Variants in SUSD4 observed in about 807,000 individuals in gnomAD.
SUSD4 encodes the protein sushi domain-containing protein 4.
SUSD4 carries 41 observed loss-of-function variants against 50.5 expected under a neutral mutation model. The ratio of observed to expected loss-of-function variants is 0.81; its 90% CI spans 0.63 to 1.05. SUSD4 has a LOEUF of 1.05. SUSD4 is among the 50% of genes least tolerant of loss of function. The pLI is 0.00. For synonymous variants in SUSD4, 257 were observed against 257.3 expected, an observed-to-expected ratio of 1.00 and a Z score of 0.01; for missense variants, 580 against 634.7, an observed-to-expected ratio of 0.91 and a Z score of 0.93.
chr1:223,302,259 A>G (rs937800262), intron 2 of SUSD4, among the ~76,000 whole-genome samples: 7 of 152,222 alleles, frequency 4.6e-5, no homozygotes, highest in South Asian at 2.1e-4. Context: ...GCACAATTAA[A>G]CCTCTTTTCT....
chr1:223,255,211 C>T (rs181790169), intron 5 of SUSD4, among the ~76,000 whole-genome samples: 1 of 152,076 alleles, frequency 6.6e-6, no homozygotes, highest in Non-Finnish European at 1.5e-5. Flanking sequence ...TTTCCTAGGC[C>T]CAGGGAACAC....
At chr1:223,355,359 C>A (rs1668602689) in intron 2 of SUSD4, among the ~76,000 whole-genome samples, 1 of 152,084 alleles carries the variant, frequency 6.6e-6, no homozygotes, top group East Asian at 1.9e-4. Context: ...CAGGCATGAG[C>A]CACCGTGCCC....
intron 2 of SUSD4, among the ~76,000 whole-genome samples, chr1:223,357,655 T>C (rs1668739735): frequency 6.6e-6 from 1 of 152,234 alleles, no homozygotes; most frequent in Admixed American, 6.5e-5. Context: ...TCAATTATTA[T>C]TGAAGTACTA....
At chr1:223,334,558 A>G (rs190497352) in intron 2 of SUSD4, among the ~76,000 whole-genome samples, 2 of 152,338 alleles carry the variant, frequency 1.3e-5, no homozygotes, top group Admixed American at 6.5e-5. Context: ...AGAACCAAAG[A>G]TAAAGAGAAA....
intron 2 of SUSD4, among the ~76,000 whole-genome samples, chr1:223,306,286 C>A (rs890661872): frequency 8.5e-5 from 13 of 152,168 alleles, no homozygotes; most frequent in African/African-American, 3.1e-4. Flanking sequence ...GCATGCCCAG[C>A]AACTTCACAA....
At chr1:223,240,641 T>C (rs1367187267) in intron 5 of SUSD4, among the ~76,000 whole-genome samples, 1 of 152,246 alleles carries the variant, frequency 6.6e-6, no homozygotes, top group Non-Finnish European at 1.5e-5. Flanking sequence ...CATTTCTTTT[T>C]GGCTCTTTCT....
At chr1:223,356,143 T>G (rs1338883231) in intron 2 of SUSD4, among the ~76,000 whole-genome samples, 1 of 151,764 alleles carries the variant, frequency 6.6e-6, no homozygotes, top group African/African-American at 2.4e-5. Flanking sequence ...AAGAAGCTAT[T>G]TGAGCAACTC....
intron 5 of SUSD4, among the ~76,000 whole-genome samples, chr1:223,263,082 A>T (rs1277605970): frequency 2.0e-5 from 3 of 152,222 alleles, no homozygotes; most frequent in Non-Finnish European, 4.4e-5. Context: ...ATTTAAACCA[A>T]ATTTGAAAAG....
chr1:223,300,632 T>C (rs2103177885), intron 2 of SUSD4, among the ~76,000 whole-genome samples: 1 of 151,938 alleles, frequency 6.6e-6, no homozygotes, highest in South Asian at 2.1e-4. Context: ...AACTGCTATA[T>C]GAGGCTTTGG....
rs1659175674 is a variant in SUSD4 at position 223,222,215 on chromosome 1, G to C, written c.1450C>G (p.Pro484Ala). The change falls in exon 9 of 9, where the codon CCT (proline) becomes GCT (alanine). Residue 484 changes from proline (P) to alanine (A), a missense_variant. Pro to Ala is a conservative substitution (Grantham distance 27). Transcript: ENST00000366878. ...SPGIDIADEI[P>A]LMEEDP Reference sequence around the variant, plus strand: ...TATTAGGGATCTTCTTCCATTAGAGGAATCTCTGTAAAAGAAGAGACGGTT... The same window carrying C: ...TATTAGGGATCTTCTTCCATTAGAGCAATCTCTGTAAAAGAAGAGACGGTT... The C allele has an allele frequency of 6.2e-7, 1 of 1,613,460 alleles. No homozygotes were observed. Among genetic ancestry groups the C allele is most frequent in the African/African-American group, 1.3e-5 (1 of 74,898 alleles).
At position 223,339,704 on chromosome 1, in the gene SUSD4, C is replaced by T. The variant is rs117877904; in HGVS notation, c.148+23574G>A. On this transcript the variant is annotated intron_variant, in intron 2 of 8. Coordinates refer to ENST00000366878, the MANE Select transcript of SUSD4 (RefSeq NM_017982.4). The stretch of plus-strand genomic sequence containing the variant: ...TTCTCAGCGTCTATGGGGGCAAGGC[C>T]GAGGAATCGTCTTTGCAGAAGTTCC... Among the ~76,000 whole-genome samples, 154 of 152,260 alleles carry T rather than the reference C, an allele frequency of 1.0e-3. 4 individuals are homozygous for T. In the East Asian group the frequency reaches 0.025, roughly 25 times the overall value.
At chr1:223,275,716 G>A (rs956199105) in intron 3 of SUSD4, among the ~76,000 whole-genome samples, 7 of 132,404 alleles carry the variant, frequency 5.3e-5, no homozygotes, top group South Asian at 2.5e-4. Flanking sequence ...CCCAGCCCCC[G>A]CCCCCGGCAA....
intron 4 of SUSD4, among the ~76,000 whole-genome samples, chr1:223,267,705 C>A (rs932579720): frequency 6.6e-6 from 1 of 152,004 alleles, no homozygotes; most frequent in Non-Finnish European, 1.5e-5. Flanking sequence ...TCAGAGTATG[C>A]CAGCTGTGAT....
intron 2 of SUSD4, among the ~76,000 whole-genome samples, chr1:223,302,417 A>G (rs1353337157): frequency 3.3e-5 from 5 of 152,174 alleles, no homozygotes; most frequent in Admixed American, 2.6e-4. Context: ...CTAATATTGT[A>G]TCTAGACCAA....
At chr1:223,348,256 T>A (rs1226408876) in intron 2 of SUSD4, among the ~76,000 whole-genome samples, 2 of 152,352 alleles carry the variant, frequency 1.3e-5, no homozygotes, top group African/African-American at 2.4e-5. Context: ...GCACTGTTTT[T>A]GCCTGTTTAT....
At chr1:223,344,418 T>C (rs1030399104) in intron 2 of SUSD4, among the ~76,000 whole-genome samples, 4 of 152,042 alleles carry the variant, frequency 2.6e-5, no homozygotes, top group Non-Finnish European at 4.4e-5. Context: ...GCAGTGAACA[T>C]GGTAAGGCTG....
intron 3 of SUSD4, among the ~76,000 whole-genome samples, chr1:223,290,424 A>G (rs1292019204): frequency 6.6e-6 from 1 of 152,204 alleles, no homozygotes. Context: ...TCTTTCAAAG[A>G]CCAACAAAAT....
At chr1:223,337,570 C>T (rs540742858) in intron 2 of SUSD4, among the ~76,000 whole-genome samples, 54 of 152,268 alleles carry the variant, frequency 3.5e-4, no homozygotes, top group African/African-American at 1.3e-3. Flanking sequence ...CAACCTAACA[C>T]CAGGGGAGTA....
At chr1:223,291,652 C>A (rs1468065494) in intron 3 of SUSD4, among the ~76,000 whole-genome samples, 1 of 152,016 alleles carries the variant, frequency 6.6e-6, no homozygotes, top group African/African-American at 2.4e-5. Flanking sequence ...TTCAAATGAA[C>A]TCAATGAAAT....
Sources: allele counts gnomAD v4.1 joint callset (sites outside exome capture counted in the v4.1 genomes callset), GRCh38; gene constraint gnomAD v4.1.1; transcripts MANE v1.5; gene names NCBI Gene and HGNC (gene_info 2026-07-23, HGNC 2026-07-21).